LYRM4: variants seen among roughly 807,000 people sequenced by gnomAD.
LYRM4 encodes LYR motif-containing protein 4.
In LYRM4, 9 loss-of-function variants were observed where a neutral mutation model predicts 11.7. The ratio of observed to expected loss-of-function variants is 0.77; its 90% CI spans 0.46 to 1.34. The LOEUF (loss-of-function observed/expected upper bound fraction) is 1.34. LYRM4 is among the 40% of genes most tolerant of loss of function. The probability of loss-of-function intolerance (pLI) is 0.00; values close to 1 mark genes in which losing one functional copy is unlikely to be tolerated. For missense variants in LYRM4, 133 were observed against 112.5 expected (o/e 1.18, Z -0.82); for synonymous variants, 42 against 40.4 (o/e 1.04, Z -0.15).
At chr6:5,063,666 G>C in the LYRM4 span, among the ~76,000 whole-genome samples, 1 of 152,156 alleles carries the variant, frequency 6.6e-6, no homozygotes, top group Non-Finnish European at 1.5e-5. Flanking sequence ...CACTGCTCCT[G>C]GTGTGTGTGG....
intron 2 of LYRM4, chr6:5,144,258 GCTACCTGCA>G: frequency 6.5e-7 from 1 of 1,537,036 alleles, no homozygotes; most frequent in African/African-American, 1.4e-5. Flanking sequence ...GCCTTGCTCA[GCTACCTGCA>G]CTGAGATACA....
downstream of LYRM4, among the ~76,000 whole-genome samples, chr6:5,100,341 C>T (rs1057077545): frequency 1.3e-5 from 2 of 152,134 alleles, no homozygotes; most frequent in Non-Finnish European, 2.9e-5. Context: ...CAGGAACGGT[C>T]CCTGCCTCAT....
chr6:5,144,990 G>A (rs1757637106), intron 2 of LYRM4, among the ~76,000 whole-genome samples: 1 of 152,158 alleles, frequency 6.6e-6, no homozygotes, highest in Non-Finnish European at 1.5e-5. Flanking sequence ...GGTGGCTCCC[G>A]GAGAAGGACA....
chr6:5,038,881 AGG>A, the LYRM4 span, among the ~76,000 whole-genome samples: 5 of 7,522 alleles, frequency 6.6e-4, no homozygotes, highest in African/African-American at 1.9e-3. Context: ...GAGACCGTGG[AGG>A]GAGAGAGAGG....
intron 2 of LYRM4, among the ~76,000 whole-genome samples, chr6:5,170,551 A>G (rs1383361575): frequency 6.6e-6 from 1 of 152,070 alleles, no homozygotes; most frequent in African/African-American, 2.4e-5. Context: ...CCCAGACTGG[A>G]GTGCAGTGGC....
At position 5,216,692 on chromosome 6, in the gene LYRM4, T is replaced by G; in HGVS notation, c.133A>C (p.Asn45His). The G allele has an allele frequency of 6.2e-7, 1 of 1,613,982 alleles. No homozygotes were observed. Among genetic ancestry groups the G allele is most frequent in the Non-Finnish European group, 8.5e-7 (1 of 1,180,010 alleles). Residue 45 changes from asparagine (N) to histidine (H), a missense_variant, in exon 2 of 3, where the codon AAT becomes CAT. Coordinates refer to ENST00000330636, the MANE Select transcript of LYRM4 (RefSeq NM_020408.6). ...RIRDAFRENK[N>H]VKDPVEIQTL... ...TGAATTTCTACAGGATCCTTTACATTTTTATTTTCTCTGAAGGCATCTCTT... is the reference window on the plus strand; with the variant it reads ...TGAATTTCTACAGGATCCTTTACATGTTTATTTTCTCTGAAGGCATCTCTT...
chr6:5,203,770 C>A (rs1318642449), intron 2 of LYRM4, among the ~76,000 whole-genome samples: 1 of 152,184 alleles, frequency 6.6e-6, no homozygotes, highest in Non-Finnish European at 1.5e-5. Flanking sequence ...GGCAGGGCCC[C>A]TCGTGTTGCG....
chr6:5,145,504 G>A (rs529302232), intron 2 of LYRM4, among the ~76,000 whole-genome samples: 23 of 152,272 alleles, frequency 1.5e-4, no homozygotes, highest in African/African-American at 5.5e-4. Context: ...CACTATGACG[G>A]CGAGGGCGAG....
intron 2 of LYRM4, among the ~76,000 whole-genome samples, chr6:5,155,090 T>C (rs1262500062): frequency 6.6e-6 from 1 of 152,146 alleles, no homozygotes; most frequent in Non-Finnish European, 1.5e-5. Flanking sequence ...TTTATTATTA[T>C]TATTTTTTTG....
intron 2 of LYRM4, among the ~76,000 whole-genome samples, chr6:5,152,492 C>A (rs901275425): frequency 6.6e-6 from 1 of 152,080 alleles, no homozygotes; most frequent in Non-Finnish European, 1.5e-5. Context: ...AAAAACTATA[C>A]CCCATCGTAT....
intron 2 of LYRM4, 46 bp downstream of exon 2, chr6:5,216,572 G>A: frequency 6.2e-7 from 1 of 1,611,266 alleles, no homozygotes; most frequent in Non-Finnish European, 8.5e-7. Context: ...ATATGTCGAA[G>A]TTTAAAGCTC....
chr6:5,226,395 C>CT (rs1206615494), intron 1 of LYRM4, among the ~76,000 whole-genome samples: 1 of 151,956 alleles, frequency 6.6e-6, no homozygotes, highest in African/African-American at 2.4e-5. Flanking sequence ...TAAGATTTTT[C>CT]TTTTTTGAGA....
intron 2 of LYRM4, among the ~76,000 whole-genome samples, chr6:5,138,487 CAAAAAAAAAAAAAAA>C (rs765741377): frequency 2.2e-4 from 11 of 49,684 alleles, no homozygotes; most frequent in South Asian, 1.4e-3. Context: ...ACCCTGTCTC[CAAAAAAAAAAAAAAA>C]AAAAAAAAAA....
chr6:5,125,567 G>C (rs537229287), intron 2 of LYRM4, among the ~76,000 whole-genome samples: 3 of 152,214 alleles, frequency 2.0e-5, no homozygotes, highest in Non-Finnish European at 4.4e-5. Flanking sequence ...CCTGGCAGAA[G>C]AGGAACAAGA....
the LYRM4 span, among the ~76,000 whole-genome samples, chr6:5,068,661 G>A: frequency 1.3e-5 from 2 of 152,150 alleles, no homozygotes; most frequent in African/African-American, 2.4e-5. This position sits in a 1 kb window ranked among gnomAD's most constrained non-coding sequence, Gnocchi z 4.0. Flanking sequence ...CGTTGGAAAG[G>A]GGACACTGGA....
At chr6:5,217,080 C>CA (rs1157189616) in intron 1 of LYRM4, among the ~76,000 whole-genome samples, 14 of 152,244 alleles carry the variant, frequency 9.2e-5, no homozygotes, top group Non-Finnish European at 1.6e-4. Context: ...ATCAAGAACT[C>CA]AGAGGTTAGC....
intron 2 of LYRM4, among the ~76,000 whole-genome samples, chr6:5,162,696 C>T (rs1758839526): frequency 6.6e-6 from 1 of 152,140 alleles, no homozygotes; most frequent in Admixed American, 6.5e-5. Flanking sequence ...ACATCATGAG[C>T]CTAAACAGTA....
chr6:5,057,958 C>T, the LYRM4 span, among the ~76,000 whole-genome samples: 3 of 152,012 alleles, frequency 2.0e-5, no homozygotes, highest in African/African-American at 2.4e-5. Context: ...CTTTATGTTG[C>T]CCAGGCTGGT....
At chr6:5,245,110 AAAAATATATATATATATATATATATAT>A (rs1182360360) in intron 1 of LYRM4, among the ~76,000 whole-genome samples, 19 of 36,924 alleles carry the variant, frequency 5.1e-4, no homozygotes, top group African/African-American at 1.8e-3. Context: ...AAAAAAAAAA[AAAAATATATATATATATATATATATAT>A]ATATATATAT....
Sources: allele counts gnomAD v4.1 joint callset (sites outside exome capture counted in the v4.1 genomes callset), GRCh38; gene constraint gnomAD v4.1.1; non-coding constraint Gnocchi (gnomAD v3.1); transcripts MANE v1.5; gene names NCBI Gene and HGNC (gene_info 2026-07-23, HGNC 2026-07-21).